Variants in SORBS2 observed in about 807,000 individuals in gnomAD.
SORBS2 encodes sorbin and SH3 domain-containing protein 2.
SORBS2 carries 46 observed loss-of-function variants against 97.7 expected under a neutral mutation model. The ratio of observed to expected loss-of-function variants is 0.47; its 90% confidence interval spans 0.37 to 0.60. The LOEUF is 0.60. Among genes scored for constraint, SORBS2 ranks in the 20% least tolerant of loss-of-function variants. The probability of loss-of-function intolerance (pLI) is 0.00; values close to 1 mark genes in which losing one functional copy is unlikely to be tolerated. For missense variants in SORBS2, 1,316 were observed against 1,282.3 expected (o/e 1.03, Z -0.40); for synonymous variants, 476 against 473.4 (o/e 1.01, Z -0.07).
At chr4:185,608,784 C>T (rs2096482820) in intron 12 of SORBS2, among the ~76,000 whole-genome samples, 2 of 152,112 alleles carry the variant, frequency 1.3e-5, no homozygotes, top group African/African-American at 4.8e-5. Context: ...TTAGGTCTCT[C>T]CAGGTAGATG....
At chr4:185,757,035 T>C in intron 2 of SORBS2, 3 of 864,034 alleles carry the variant, frequency 3.5e-6, no homozygotes, top group Non-Finnish European at 5.9e-6. Context: ...ATCAATGTCT[T>C]GCATGATGAA....
At chr4:185,921,887 T>A (rs2099261071) in intron 1 of SORBS2, among the ~76,000 whole-genome samples, 1 of 152,222 alleles carries the variant, frequency 6.6e-6, no homozygotes, top group Non-Finnish European at 1.5e-5. Flanking sequence ...CCTCCAGAGA[T>A]TCCTTTATTC....
intron 1 of SORBS2, among the ~76,000 whole-genome samples, chr4:185,909,141 T>C (rs567763368): frequency 6.6e-6 from 1 of 152,108 alleles, no homozygotes; most frequent in East Asian, 1.9e-4. Flanking sequence ...AGATATGGAA[T>C]CAACCTAAGT....
chr4:185,809,253 A>G (rs530179184), intron 1 of SORBS2, among the ~76,000 whole-genome samples: 17 of 152,036 alleles, frequency 1.1e-4, no homozygotes, highest in African/African-American at 3.6e-4. Context: ...ATCAGAGGCC[A>G]GCAAAGCTCT....
chr4:185,933,546 C>G (rs2099267463), intron 1 of SORBS2, among the ~76,000 whole-genome samples: 1 of 152,100 alleles, frequency 6.6e-6, no homozygotes, highest in African/African-American at 2.4e-5. Flanking sequence ...TTGCCTTTCC[C>G]CTTGCTGGCC....
At chr4:185,743,861 TTCC>T (rs753686783) in intron 2 of SORBS2, among the ~76,000 whole-genome samples, 31 of 149,362 alleles carry the variant, frequency 2.1e-4, no homozygotes, top group African/African-American at 5.2e-4. Flanking sequence ...TCTATTTTCT[TTCC>T]TCCTCCTCCT....
At chr4:185,849,687 G>A (rs2099216710) in intron 1 of SORBS2, among the ~76,000 whole-genome samples, 1 of 152,140 alleles carries the variant, frequency 6.6e-6, no homozygotes, top group South Asian at 2.1e-4. Context: ...ACAGGGGCAG[G>A]CCTGGGACTT....
chr4:185,666,032 C>CG (rs1488967116), intron 4 of SORBS2: 4 of 1,289,366 alleles, frequency 3.1e-6, no homozygotes, highest in Middle Eastern at 2.2e-4. Context: ...CCCACACCAT[C>CG]GGGGGGCGGA....
At position 185,923,630 on chromosome 4, in the gene SORBS2, T is replaced by C. The variant is rs143555172; in HGVS notation, c.-338+32566A>G. 6.2e-3 allele frequency among the ~76,000 whole-genome samples: 948 copies of C among 152,116 alleles called. 8 individuals are homozygous for C. The highest frequency in any genetic ancestry group is 8.4e-3 in the Non-Finnish European group (574 of 67,992). Reference sequence around the variant, plus strand: ...TCTATAGACCTTTGTATACCAAATTTGTGAAACTCCACTTGCAATCTGATT... The same window carrying C: ...TCTATAGACCTTTGTATACCAAATTCGTGAAACTCCACTTGCAATCTGATT... On this transcript the variant is annotated intron_variant, in intron 1 of 20. Coordinates refer to the SORBS2 transcript ENST00000284776.
At chr4:185,682,308 T>C (rs1438630842) in intron 2 of SORBS2, among the ~76,000 whole-genome samples, 1 of 152,260 alleles carries the variant, frequency 6.6e-6, no homozygotes, top group African/African-American at 2.4e-5. Context: ...TCCTTTAGGC[T>C]GACAAGGGGT....
In SORBS2 at chr4:185,803,761, C is replaced by T. The variant is rs190467214; in HGVS notation, c.-337-28395G>A. On this transcript the variant is annotated intron_variant, in intron 1 of 20. Transcript: ENST00000284776. ...AAAGGAAGTCAGTGAGTGATATAAT[C>T]GGATTTCAGAACACATATCATATAA... is the stretch of plus-strand genomic sequence containing the variant. Among the ~76,000 whole-genome samples, 442 of 152,140 alleles carry T rather than the reference C, an allele frequency of 2.9e-3. 1 individual carries two copies. The highest frequency in any genetic ancestry group is 4.3e-3 in the Non-Finnish European group (293 of 68,004).
chr4:185,880,943 G>A (rs2099236544), intron 1 of SORBS2, among the ~76,000 whole-genome samples: 2 of 152,130 alleles, frequency 1.3e-5, no homozygotes, highest in Non-Finnish European at 2.9e-5. Context: ...CACTGAGGTG[G>A]AGGAGAAGGA....
upstream of SORBS2, among the ~76,000 whole-genome samples, chr4:185,659,082 C>T (rs1038192623): frequency 5.3e-5 from 8 of 152,060 alleles, no homozygotes; most frequent in Non-Finnish European, 7.4e-5. Flanking sequence ...AGGTAAAATC[C>T]ATTGTAACAT....
At chr4:185,630,842 A>G (rs1452186487) in intron 4 of SORBS2, among the ~76,000 whole-genome samples, 1 of 152,184 alleles carries the variant, frequency 6.6e-6, no homozygotes, top group Non-Finnish European at 1.5e-5. Context: ...CAAATTATCC[A>G]CAACCCAAGC....
In SORBS2 at chr4:185,813,376, C is replaced by T. The variant is rs368917970; in HGVS notation, c.-337-38010G>A. On this transcript the variant is annotated intron_variant, in intron 1 of 20. Coordinates refer to the SORBS2 transcript ENST00000284776. Reference sequence around the variant, plus strand: ...ATGCCCGCTCCCCTTCCTCCCCAACCGGATTCACATTAGGTAGGTCTGAGC... The same window carrying T: ...ATGCCCGCTCCCCTTCCTCCCCAACTGGATTCACATTAGGTAGGTCTGAGC... Among the ~76,000 whole-genome samples the T allele has an allele frequency of 4.9e-4, 75 of 152,274 alleles. No homozygotes were observed. The South Asian group carries it at 0.015, about 29-fold the overall frequency.
chr4:185,914,616 T>C (rs1445582922), intron 1 of SORBS2, among the ~76,000 whole-genome samples: 1 of 152,230 alleles, frequency 6.6e-6, no homozygotes, highest in African/African-American at 2.4e-5. Flanking sequence ...GTAAATACTG[T>C]GGTAACCCAG....
chr4:185,775,525 C>T (rs1279264217), intron 1 of SORBS2, 159 bp from the exon 2 acceptor site: 1 of 152,188 alleles, frequency 6.6e-6, no homozygotes, highest in Non-Finnish European at 1.5e-5. Context: ...GATCGCCACC[C>T]CCCACTCCAG....
At chr4:185,690,432 C>T (rs999076327) in intron 2 of SORBS2, 130 bp downstream of exon 4, 6 of 488,426 alleles carry the variant, frequency 1.2e-5, no homozygotes, top group African/African-American at 1.2e-4. Context: ...AGTAATGAAT[C>T]TATGCTATGT....
intron 1 of SORBS2, among the ~76,000 whole-genome samples, chr4:185,869,034 G>A (rs1013971719): frequency 2.6e-5 from 4 of 152,170 alleles, no homozygotes; most frequent in African/African-American, 9.7e-5. Flanking sequence ...CCAAGAACTT[G>A]CCTTTGGTGG....
Sources: gnomAD v4.1 joint callset for allele counts (sites outside exome capture counted in the v4.1 genomes callset) on GRCh38, gnomAD v4.1.1 for gene constraint, MANE v1.5 for transcripts, NCBI Gene and HGNC (gene_info 2026-07-23, HGNC 2026-07-21) for gene names.